IGSF21: variants seen among roughly 807,000 people sequenced by gnomAD.
The protein encoded by IGSF21 is immunoglobin superfamily member 21.
In IGSF21, 28 loss-of-function variants were observed where a neutral mutation model predicts 46.8. That is an observed-to-expected ratio of 0.60 (90% CI 0.44 to 0.82). The LOEUF is 0.82. Ranked by LOEUF, IGSF21 falls within the 40% of genes least tolerant of loss-of-function variation. The pLI is 0.00. For synonymous variants in IGSF21, 284 were observed against 273.6 expected (o/e 1.04, Z -0.38); for missense variants, 624 against 665.5 (o/e 0.94, Z 0.69).
In IGSF21 at chr1:18,282,746, A is replaced by C. The variant is rs188044825; in HGVS notation, c.184-9120A>C. ...ACAGCTGTGGGTGCAGGCATTGTGC[A>C]TGCACAACACCGTAAGTCCACAAAC... is the stretch of plus-strand genomic sequence containing the variant. On this transcript the variant is annotated intron_variant, in intron 2 of 9. Coordinates refer to ENST00000251296, the MANE Select transcript of IGSF21 (RefSeq NM_032880.5). Among the ~76,000 whole-genome samples the C allele has an allele frequency of 1.7e-3, 254 of 152,200 alleles. 2 individuals carry two copies. The highest frequency in any genetic ancestry group is 6.0e-3 in the African/African-American group (247 of 41,504).
rs755265205 is a variant in IGSF21 at position 18,365,632 on chromosome 1, C to T, written c.950C>T (p.Ala317Val). Residue 317 changes from alanine (A) to valine (V), a missense_variant, in exon 6 of 10, where the codon GCC becomes GTC. Ala to Val is a moderately conservative substitution (Grantham distance 64). Transcript: ENST00000251296. This position sits in a 1 kb window ranked among gnomAD's most constrained non-coding sequence, Gnocchi z 4.8. ...CTCAACCCACAGATCGACAACGAGG[C>T]CCTCTTCAGCTGCGAGGTCAAGCAC... ...WTLNPQIDNEALFSCEVKHPA... is the reference protein window; with the variant it reads ...WTLNPQIDNEVLFSCEVKHPA... 5 of 1,614,208 alleles carry T rather than the reference C, an allele frequency of 3.1e-6. No homozygotes were observed. The South Asian group carries it at 5.5e-5, about 18-fold the overall frequency.
At chr1:18,127,818 A>G (rs577878506) in intron 1 of IGSF21, among the ~76,000 whole-genome samples, 27 of 152,268 alleles carry the variant, frequency 1.8e-4, no homozygotes, top group Admixed American at 1.6e-3. Context: ...CTGAAGTGGG[A>G]GGATCACTTG....
chr1:18,301,493 C>T (rs2085361658), intron 3 of IGSF21, among the ~76,000 whole-genome samples: 1 of 152,172 alleles, frequency 6.6e-6, no homozygotes, highest in Non-Finnish European at 1.5e-5. Context: ...GCACCCACCA[C>T]CACACCTGGC....
intron 2 of IGSF21, among the ~76,000 whole-genome samples, chr1:18,242,454 G>A (rs981510573): frequency 2.0e-5 from 3 of 152,150 alleles, no homozygotes; most frequent in African/African-American, 7.2e-5. Context: ...AAAGGAAGTT[G>A]TATTATTATT....
chr1:18,112,122 G>T (rs72655110), intron 1 of IGSF21: 1 of 152,036 alleles, frequency 6.6e-6, no homozygotes, highest in Non-Finnish European at 1.5e-5. Context: ...CAAAATAGAG[G>T]CTGTTTAGTT....
chr1:18,215,156 G>A (rs1164083240), intron 1 of IGSF21, among the ~76,000 whole-genome samples: 4 of 152,186 alleles, frequency 2.6e-5, no homozygotes, highest in East Asian at 3.9e-4. Flanking sequence ...CCCCTGACAC[G>A]TGGGGATTAC....
intron 1 of IGSF21, among the ~76,000 whole-genome samples, chr1:18,183,132 C>T (rs1184432579): frequency 6.6e-6 from 1 of 152,218 alleles, no homozygotes; most frequent in Non-Finnish European, 1.5e-5. Flanking sequence ...GCCTCAGAAG[C>T]CCCTGAGACA....
At chr1:18,279,977 C>T (rs1049302598) in intron 2 of IGSF21, among the ~76,000 whole-genome samples, 1 of 152,234 alleles carries the variant, frequency 6.6e-6, no homozygotes, top group Admixed American at 6.5e-5. Flanking sequence ...TCTCCGAGGA[C>T]TGGCAGCCCC....
At chr1:18,283,786 A>G (rs1349886500) in intron 2 of IGSF21, among the ~76,000 whole-genome samples, 2 of 152,196 alleles carry the variant, frequency 1.3e-5, no homozygotes, top group Non-Finnish European at 2.9e-5. Flanking sequence ...CTTTGGAATC[A>G]GACCCATGTT....
At chr1:18,173,045 T>C (rs1000393172) in intron 1 of IGSF21, among the ~76,000 whole-genome samples, 1 of 152,174 alleles carries the variant, frequency 6.6e-6, no homozygotes, top group African/African-American at 2.4e-5. Context: ...TCCTAGCACT[T>C]TGGGAGGCCG....
At chr1:18,136,895 A>T (rs2086372404) in intron 1 of IGSF21, among the ~76,000 whole-genome samples, 1 of 152,118 alleles carries the variant, frequency 6.6e-6, no homozygotes, top group Non-Finnish European at 1.5e-5. Context: ...ATGAGCATGG[A>T]ATGTTCTTCC....
At chr1:18,361,837 T>G (rs2124630199) in intron 4 of IGSF21, 1 of 346,420 alleles carries the variant, frequency 2.9e-6, no homozygotes, top group East Asian at 5.1e-5. Context: ...TCCGGGGATC[T>G]GATGCACTTC....
chr1:18,243,214 C>T (rs2084750479), intron 2 of IGSF21, among the ~76,000 whole-genome samples: 1 of 152,190 alleles, frequency 6.6e-6, no homozygotes, highest in Non-Finnish European at 1.5e-5. Flanking sequence ...GTCTGATAAG[C>T]ATCTCAGACT....
At chr1:18,163,950 T>C (rs751813845) in intron 1 of IGSF21, among the ~76,000 whole-genome samples, 1 of 152,222 alleles carries the variant, frequency 6.6e-6, no homozygotes, top group Non-Finnish European at 1.5e-5. Context: ...ATAGCCATCA[T>C]TTATATGAAA....
chr1:18,301,645 A>G (rs567060098), intron 3 of IGSF21, among the ~76,000 whole-genome samples: 1 of 152,226 alleles, frequency 6.6e-6, no homozygotes, highest in Admixed American at 6.5e-5. Flanking sequence ...CAGCCCCAAC[A>G]AACAGTAATT....
intron 1 of IGSF21, among the ~76,000 whole-genome samples, chr1:18,190,761 G>T (rs1308403306): frequency 6.6e-6 from 1 of 152,156 alleles, no homozygotes; most frequent in Non-Finnish European, 1.5e-5. Context: ...TGTTATCGGG[G>T]ATTTGTGAGC....
intron 2 of IGSF21, among the ~76,000 whole-genome samples, chr1:18,277,819 G>C (rs2085117677): frequency 6.6e-6 from 1 of 152,150 alleles, no homozygotes; most frequent in African/African-American, 2.4e-5. Flanking sequence ...TTCTAGAACA[G>C]GATAAAATGT....
chr1:18,264,407 G>A (rs887753998), intron 2 of IGSF21, among the ~76,000 whole-genome samples: 4 of 152,242 alleles, frequency 2.6e-5, no homozygotes, highest in African/African-American at 9.6e-5. Context: ...CATTATTAAT[G>A]ACATTTGAAT....
At chr1:18,157,228 T>G (rs1557561816) in intron 1 of IGSF21, among the ~76,000 whole-genome samples, 2 of 152,176 alleles carry the variant, frequency 1.3e-5, no homozygotes, top group Non-Finnish European at 2.9e-5. Context: ...GACTCCCTGG[T>G]GCCTCGTGGA....
Sources: allele counts gnomAD v4.1 joint callset (sites outside exome capture counted in the v4.1 genomes callset), GRCh38; gene constraint gnomAD v4.1.1; non-coding constraint Gnocchi (gnomAD v3.1); transcripts MANE v1.5; gene names NCBI Gene and HGNC (gene_info 2026-07-23, HGNC 2026-07-21).